The following MED27 variants were observed in gnomAD, a reference collection of about 807,000 sequenced individuals.
MED27 encodes the protein mediator of RNA polymerase II transcription subunit 27.
A neutral mutation model predicts 38.2 loss-of-function variants in MED27; 30 were observed. That is an observed-to-expected ratio of 0.79 (90% CI 0.59 to 1.07). MED27 has a LOEUF of 1.07. MED27 is among the 50% of genes least tolerant of loss of function. The probability of loss-of-function intolerance (pLI) is 0.00; values close to 1 mark genes in which losing one functional copy is unlikely to be tolerated. For synonymous variants in MED27, 122 were observed against 153.5 expected, an observed-to-expected ratio of 0.79 and a Z score of 1.52; for missense variants, 289 against 397.5, an observed-to-expected ratio of 0.73 and a Z score of 2.32.
intron 3 of MED27, among the ~76,000 whole-genome samples, chr9:131,984,957 C>T (rs1223175449): frequency 1.3e-5 from 2 of 152,142 alleles, no homozygotes; most frequent in East Asian, 3.8e-4. Flanking sequence ...GTTAGAAATA[C>T]AGGATCTGTC....
At chr9:132,012,454 C>A (rs954725988) in intron 3 of MED27, among the ~76,000 whole-genome samples, 3 of 152,198 alleles carry the variant, frequency 2.0e-5, no homozygotes, top group Non-Finnish European at 4.4e-5. Context: ...TCGAGGCTGG[C>A]TGGTTACATT....
intron 3 of MED27, among the ~76,000 whole-genome samples, chr9:131,992,657 C>G (rs1205927425): frequency 1.3e-5 from 2 of 152,212 alleles, no homozygotes; most frequent in Non-Finnish European, 2.9e-5. Context: ...CCGCCTTGGC[C>G]TCTCAAAGAG....
chr9:131,944,276 G>A (rs1187600239), intron 3 of MED27, among the ~76,000 whole-genome samples: 2 of 152,006 alleles, frequency 1.3e-5, no homozygotes. Flanking sequence ...AACAATTTAC[G>A]GCTTGAACAG....
Position 131,860,292 on chromosome 9 carries a change from CTTCT to C in MED27, c.*242_*245del, listed in dbSNP as rs1213480401. 2 of 429,464 alleles carry C rather than the reference CTTCT, an allele frequency of 4.7e-6. No individual in the cohort carries two copies. Among genetic ancestry groups the C allele is most frequent in the Non-Finnish European group, 8.1e-6 (2 of 246,328 alleles). The allele number at this position is 429,464 out of a possible 1,614,324, so 26.6% of individuals were successfully genotyped here. On this transcript the variant is annotated 3_prime_UTR_variant, in exon 8 of 8. Transcript: ENST00000292035. This position sits in a 1 kb window ranked among gnomAD's most constrained non-coding sequence, Gnocchi z 5.8. ...GACGAGGAGCATGCTGCACAGCTTCCTTCTACCAGGTTCTAGAAAGGTCTTCTTT... is the reference window on the plus strand; with the variant it reads ...GACGAGGAGCATGCTGCACAGCTTCCACCAGGTTCTAGAAAGGTCTTCTTT...
chr9:131,948,502 CA>C (rs79571086), intron 3 of MED27, among the ~76,000 whole-genome samples: 75,906 of 143,088 alleles, frequency 0.53, 19,603 homozygotes, highest in East Asian at 0.7. Flanking sequence ...AAAACAAAAA[CA>C]AAAAAAAAAA....
chr9:132,011,771 G>A (rs909720624), intron 3 of MED27, among the ~76,000 whole-genome samples: 2 of 152,128 alleles, frequency 1.3e-5, no homozygotes, highest in African/African-American at 4.8e-5. Context: ...GATAATGTAA[G>A]CCCAAAAAGC....
In MED27 at chr9:131,883,760, G is replaced by A. The variant is rs4740327; in HGVS notation, c.723+298C>T. Among the ~76,000 whole-genome samples the A allele has an allele frequency of 0.27, 41,556 of 152,038 alleles. 6,277 individuals are homozygous for A. Among genetic ancestry groups the A allele is most frequent in the East Asian group, 0.44 (2,278 of 5,178 alleles). On this transcript the variant is annotated intron_variant, in intron 6 of 7. Transcript: ENST00000292035. The surrounding 1 kb of genome is among the most constrained non-coding windows in gnomAD (Gnocchi z 4.2). ...GTCCTGAGTTTTGACAAACATGTAC[G>A]GCTGTGTAACACCGCCACAATTAAG...
chr9:131,915,680 C>T (rs1589210103), intron 4 of MED27, among the ~76,000 whole-genome samples: 1 of 152,250 alleles, frequency 6.6e-6, no homozygotes, highest in East Asian at 1.9e-4. Flanking sequence ...TGTCCTCCCA[C>T]TCCCATGCCC....
At chr9:131,892,697 C>T (rs1839248845) in intron 5 of MED27, among the ~76,000 whole-genome samples, 1 of 152,164 alleles carries the variant, frequency 6.6e-6, no homozygotes, top group African/African-American at 2.4e-5. Context: ...GTATACACTA[C>T]CCTCAGTGCT....
chr9:131,881,307 T>C (rs1207582829), intron 6 of MED27, among the ~76,000 whole-genome samples: 1 of 152,188 alleles, frequency 6.6e-6, no homozygotes, highest in Non-Finnish European at 1.5e-5. Context: ...ACCTCTGGTA[T>C]GGTGACTTAG....
At chr9:131,939,529 GA>G (rs1554758119) in intron 3 of MED27, 55 bp from the exon 4 acceptor site, 1 of 1,093,818 alleles carries the variant, frequency 9.1e-7, no homozygotes, top group Non-Finnish European at 1.3e-6. Flanking sequence ...AAGAGCTACA[GA>G]TTAATAGTAT....
chr9:131,986,485 T>A (rs969798291), intron 3 of MED27, among the ~76,000 whole-genome samples: 6 of 150,630 alleles, frequency 4.0e-5, no homozygotes, highest in Non-Finnish European at 7.4e-5. Flanking sequence ...CACAGCTCCA[T>A]TTTTTTTTAC....
intron 4 of MED27, among the ~76,000 whole-genome samples, chr9:131,924,940 T>C (rs1162894903): frequency 6.6e-6 from 1 of 152,250 alleles, no homozygotes; most frequent in Non-Finnish European, 1.5e-5. Context: ...TGTAATATTT[T>C]CAGTGTTTCT....
chr9:132,020,220 T>C (rs2131085403), intron 2 of MED27, among the ~76,000 whole-genome samples: 1 of 152,300 alleles, frequency 6.6e-6, no homozygotes, highest in South Asian at 2.1e-4. Context: ...AAGAATTCTC[T>C]TTGCAAATGT....
chr9:131,945,637 T>A (rs1409354594), intron 3 of MED27, among the ~76,000 whole-genome samples: 1 of 152,064 alleles, frequency 6.6e-6, no homozygotes, highest in Non-Finnish European at 1.5e-5. Flanking sequence ...TCTGTACTTC[T>A]ATGAGTTCAA....
chr9:132,057,476 C>T (rs573283551), intron 2 of MED27, among the ~76,000 whole-genome samples: 1 of 152,228 alleles, frequency 6.6e-6, no homozygotes, highest in African/African-American at 2.4e-5. Context: ...CAAGAGGGAA[C>T]AGAGCTGGGC....
intron 3 of MED27, among the ~76,000 whole-genome samples, chr9:132,013,904 A>G (rs1490563878): frequency 1.3e-5 from 2 of 152,158 alleles, no homozygotes; most frequent in African/African-American, 4.8e-5. Context: ...ATGCCTTTTT[A>G]AAAGAAAGAA....
At chr9:131,941,817 A>ATTTTTTTTTTT (rs766438800) in intron 3 of MED27, among the ~76,000 whole-genome samples, 840 of 82,486 alleles carry the variant, frequency 0.01, 104 homozygotes, top group African/African-American at 0.022. Context: ...ATTCTGCTGA[A>ATTTTTTTTTTT]TTTTTTTTTT....
intron 3 of MED27, 61 bp from the exon 4 acceptor site, chr9:131,939,535 T>C (rs1207428750): frequency 5.7e-6 from 6 of 1,060,972 alleles, no homozygotes; most frequent in Non-Finnish European, 8.2e-6. Context: ...TACAGATTAA[T>C]AGTATTCAAA....
Sources: gnomAD v4.1 joint callset for allele counts (sites outside exome capture counted in the v4.1 genomes callset) on GRCh38, gnomAD v4.1.1 for gene constraint, Gnocchi (gnomAD v3.1) non-coding constraint, MANE v1.5 for transcripts, NCBI Gene and HGNC (gene_info 2026-07-23, HGNC 2026-07-21) for gene names.